The following CEL variants were observed in gnomAD, a reference collection of about 807,000 sequenced individuals.
The protein encoded by CEL is bile salt-activated lipase.
A neutral mutation model predicts 57.1 loss-of-function variants in CEL; 39 were observed. The ratio of observed to expected loss-of-function variants is 0.68; its 90% CI spans 0.53 to 0.89. CEL has a LOEUF of 0.89. Among genes scored for constraint, CEL ranks in the 40% least tolerant of loss-of-function variants. CEL has a pLI of 0.00. For synonymous variants in CEL, 314 were observed against 396.6 expected (o/e 0.79, Z 2.48); for missense variants, 698 against 915.0 (o/e 0.76, Z 3.06).
intron 4 of CEL, among the ~76,000 whole-genome samples, chr9:133,065,492 G>A (rs967856219): frequency 6.6e-6 from 1 of 152,012 alleles, no homozygotes; most frequent in African/African-American, 2.4e-5. Context: ...TCACTTGAGC[G>A]CAGAAGTTCA....
Position 133,066,737 on chromosome 9 carries a change from G to A in CEL, c.669+77G>A, listed in dbSNP as rs1830183156. 6.2e-7 allele frequency: 1 copy of A among 1,606,590 alleles called. No homozygotes were observed. Among genetic ancestry groups the A allele is most frequent in the Non-Finnish European group, 8.5e-7 (1 of 1,174,692 alleles). ...AAACGGGAAGGGGAGGGTGGGAGGA[G>A]GAGCGTGGAGCTGGGGCTGTGGTGC... On this transcript the variant is annotated intron_variant, in intron 5 of 10. Coordinates refer to ENST00000372080, the MANE Select transcript of CEL (RefSeq NM_001807.6). The surrounding 1 kb of genome is among the most constrained non-coding windows in gnomAD (Gnocchi z 4.3).
chr9:133,065,026 C>T lies in CEL; in HGVS notation c.341-14C>T. 1 of 1,611,796 alleles carries T rather than the reference C, an allele frequency of 6.2e-7. No individual in the cohort carries two copies. Among genetic ancestry groups the T allele is most frequent in the Non-Finnish European group, 8.5e-7 (1 of 1,179,706 alleles). On this transcript the variant is annotated splice_polypyrimidine_tract_variant and intron_variant, in intron 3 of 10. Transcript: ENST00000372080. ...GCGGGGCGTCTGGGGTCACCAGCCG[C>T]TCCCCCATCTCAGTCTCCCGGGACC...
Position 133,071,063 on chromosome 9 carries a change from A to T in CEL, c.1561A>T (p.Ile521Phe). Residue 521 changes from isoleucine to phenylalanine, a missense_variant, in exon 11 of 11, where the codon ATC (isoleucine) becomes TTC (phenylalanine). Transcript: ENST00000372080. ...YTTENSGYLE[I>F]TKKMGSSSMK... ...TACGGAAAACAGCGGCTACCTGGAG[A>T]TCACCAAGAAGATGGGCAGCAGCTC... The T allele has an allele frequency of 2.5e-6, 4 of 1,613,050 alleles. 1 individual carries two copies. The highest frequency in any genetic ancestry group is 3.4e-6 in the Non-Finnish European group (4 of 1,179,840).
At chr9:133,069,503 C>T (rs943304417) in intron 9 of CEL, among the ~76,000 whole-genome samples, 2 of 150,732 alleles carry the variant, frequency 1.3e-5, no homozygotes, top group African/African-American at 4.9e-5. Flanking sequence ...AGCCCTGCAC[C>T]CCATGGTCCT....
rs544040762 is a variant in CEL at position 133,065,871 on chromosome 9, A to G, written c.538+634A>G. On this transcript the variant is annotated intron_variant, in intron 4 of 10. Coordinates refer to ENST00000372080, the MANE Select transcript of CEL (RefSeq NM_001807.6). ...CAAAAAAAAAAAAAAAAAAAAAAAT[A>G]GCCAGGCGTGGTATCTCATGCCTCT... Among the ~76,000 whole-genome samples, 149 of 140,472 alleles carry G rather than the reference A, an allele frequency of 1.1e-3. 2 individuals are homozygous for G. The highest frequency in any genetic ancestry group is 3.7e-3 in the African/African-American group (140 of 37,704). The allele number at this position is 140,472 out of a possible 152,430, so 92.2% of individuals were successfully genotyped here.
chr9:133,062,635 A>G (rs1452106973), intron 1 of CEL, among the ~76,000 whole-genome samples: 1 of 146,884 alleles, frequency 6.8e-6, no homozygotes, highest in Non-Finnish European at 1.5e-5. Context: ...CTAAAAAACA[A>G]TTCACTGTTT....
Position 133,064,526 on chromosome 9 carries a change from A to T in CEL, c.189A>T (p.Glu63Asp). The change falls in exon 2 of 11, where the codon GAA (glutamate) becomes GAT (aspartate). Residue 63 changes from glutamate (E) to aspartate (D), a missense_variant. By Grantham distance (45) the Glu-to-Asp change is conservative. Around this residue, in one of 6 missense-constraint regions of CEL, gnomAD observed 327 missense variants for 374.1 expected, o/e 0.87. Transcript: ENST00000372080. ...TCGCAGCTCCCACCAAGGCCCTGGA[A>T]AATCCTCAGCCACATCCTGGCTGGC... The part of the protein sequence containing the change: ...IPFAAPTKAL[E>D]NPQPHPGWQG... The T allele has an allele frequency of 6.2e-7, 1 of 1,614,164 alleles. No homozygotes were observed. Among genetic ancestry groups the T allele is most frequent in the South Asian group, 1.1e-5 (1 of 91,090 alleles).
chr9:133,067,953 T>C (rs1327401034), intron 7 of CEL, among the ~76,000 whole-genome samples: 1 of 152,144 alleles, frequency 6.6e-6, no homozygotes, highest in Non-Finnish European at 1.5e-5. Context: ...CACAAACACC[T>C]CTGCATGTCA....
Position 133,069,583 on chromosome 9 carries a change from A to G in CEL, c.1286+324A>G, listed in dbSNP as rs140388744. On this transcript the variant is annotated intron_variant, in intron 9 of 10. Coordinates refer to ENST00000372080, the MANE Select transcript of CEL (RefSeq NM_001807.6). ...GTGCACTGAGAGAACACTGGACAAT[A>G]GTTTCTATCCACTGACTCTTATGGG... Among the ~76,000 whole-genome samples the G allele has an allele frequency of 5.4e-3, 818 of 152,082 alleles. 13 individuals are homozygous for G. The highest frequency in any genetic ancestry group is 0.019 in the African/African-American group (781 of 41,368).
chr9:133,065,362 G>A (rs1196120747), intron 4 of CEL, 125 bp downstream of exon 4: 2 of 1,128,264 alleles, frequency 1.8e-6, no homozygotes, highest in East Asian at 4.7e-5. Context: ...GGAAGCTGGA[G>A]TAGAATCATG....
Position 133,066,971 on chromosome 9 carries a change from C to CTGGGG in CEL, c.777+26_777+27insTGGGG. ...GTAAACGGAGGAGGGCAGGGCTGGG[C>CTGGGG]GGGGTGGGGGCTGTCCACATTTCCG... On this transcript the variant is annotated intron_variant, in intron 6 of 10. Transcript: ENST00000372080. The surrounding 1 kb of genome is among the most constrained non-coding windows in gnomAD (Gnocchi z 4.3). The CTGGGG allele has an allele frequency of 2.3e-5, 13 of 571,368 alleles. No individual in the cohort carries two copies. Among genetic ancestry groups the CTGGGG allele is most frequent in the Non-Finnish European group, 3.0e-5 (10 of 330,442 alleles). The allele number at this position is 571,368 out of a possible 1,614,324, so 35.4% of individuals were successfully genotyped here.
In CEL at chr9:133,071,270, G is replaced by T. The variant is rs539532953; in HGVS notation, c.1768G>T (p.Ala590Ser). Residue 590 changes from alanine (A) to serine (S), a missense_variant, in exon 11 of 11, where the codon GCC becomes TCC. Coordinates refer to ENST00000372080, the MANE Select transcript of CEL (RefSeq NM_001807.6). ...CGTGCCGCCCACGGGTGACTCCGGGGCCCCCCCCGTGCCGCCCACGGGTGA... is the reference window on the plus strand; with the variant it reads ...CGTGCCGCCCACGGGTGACTCCGGGTCCCCCCCCGTGCCGCCCACGGGTGA... ...APVPPTGDSG[A>S]PPVPPTGDSG... The T allele has an allele frequency of 1.3e-6, 2 of 1,489,590 alleles. No individual in the cohort carries two copies. Among genetic ancestry groups the T allele is most frequent in the African/African-American group, 3.1e-5 (2 of 65,096 alleles). The allele number at this position is 1,489,590 out of a possible 1,614,324, so 92.3% of individuals were successfully genotyped here.
Position 133,071,662 on chromosome 9 carries a change from C to T in CEL, c.2160C>T (p.Ser720=), listed in dbSNP as rs778336618. The change falls in exon 11 of 11, where the codon TCC becomes TCT. Residue 720 remains serine (S), a synonymous_variant. Transcript: ENST00000372080. ...CCCCCGTGCCGCCCACGGGTGACTC[C>T]GGGGCCCCCCCTGTGCCCCCCACGG... The part of the protein sequence containing the change: ...ETAPVPPTGD[S]GAPPVPPTGD... 4.4e-5 allele frequency: 70 copies of T among 1,579,826 alleles called. No individual in the cohort carries two copies. The highest frequency in any genetic ancestry group is 3.2e-4 in the South Asian group (29 of 90,270).
rs759524824 is a variant in CEL at position 133,067,189 on chromosome 9, G to T, written c.879G>T (p.Pro293=). 1 of 1,613,748 alleles carries T rather than the reference G, an allele frequency of 6.2e-7. No individual in the cohort carries two copies. Among genetic ancestry groups the T allele is most frequent in the South Asian group, 1.1e-5 (1 of 91,016 alleles). ...PRALTLAYKV[P]LAGLEYPMLH... ...CCCTGACGCTGGCCTATAAGGTGCC[G>T]CTGGCAGGCCTGGAGTGTGAGTAGC... is the stretch of plus-strand genomic sequence containing the variant. Residue 293 remains proline (P), a synonymous_variant, in exon 7 of 11, where the codon CCG becomes CCT. Transcript: ENST00000372080.
rs780310945 is a variant in CEL at position 133,066,951 on chromosome 9, C to T, written c.777+6C>T. On this transcript the variant is annotated splice_donor_region_variant and intron_variant, in intron 6 of 10. Transcript: ENST00000372080. This position sits in a 1 kb window ranked among gnomAD's most constrained non-coding sequence, Gnocchi z 4.3. Reference sequence around the variant, plus strand: ...CACTCTTCTGGGCCAAAAAGGTAAACGGAGGAGGGCAGGGCTGGGCGGGGT... The same window carrying T: ...CACTCTTCTGGGCCAAAAAGGTAAATGGAGGAGGGCAGGGCTGGGCGGGGT... 2.5e-5 allele frequency: 16 copies of T among 634,518 alleles called. No homozygotes were observed. Among genetic ancestry groups the T allele is most frequent in the Admixed American group, 6.3e-5 (3 of 47,456 alleles). The allele number at this position is 634,518 out of a possible 1,614,324, so 39.3% of individuals were successfully genotyped here. A position where few individuals can be genotyped will look rare whatever the true frequency, so the allele number is the denominator to read the frequency against.
intron 3 of CEL, 66 bp downstream of exon 3, chr9:133,064,828 C>T (rs964329857): frequency 6.6e-5 from 107 of 1,609,188 alleles, no homozygotes; most frequent in Non-Finnish European, 8.3e-5. Context: ...CTACTCCTGG[C>T]TTGAGTCTGG....
intron 7 of CEL, 54 bp downstream of exon 7, chr9:133,067,259 G>T (rs565872546): frequency 4.7e-6 from 7 of 1,498,334 alleles, no homozygotes; most frequent in East Asian, 2.3e-5. Context: ...GTTGAGGGGG[G>T]TACTGCCAGG....
chr9:133,071,561 TCCGGCGCCCCCCCCGTGCCGC>T lies in CEL; in HGVS notation c.2062_2082del (p.Gly688_Pro694del). On this transcript the variant is annotated inframe_deletion, in exon 11 of 11. Transcript: ENST00000372080. Reference sequence around the variant, plus strand: ...CCCCCCCGTGCCGCCCACGGGTGACTCCGGCGCCCCCCCCGTGCCGCCCACGGGTGACTCCGGGGCCCCCCC... The same window carrying T: ...CCCCCCCGTGCCGCCCACGGGTGACTCCACGGGTGACTCCGGGGCCCCCCC... 1.5e-6 allele frequency: 1 copy of T among 675,656 alleles called. No homozygotes were observed. The allele number at this position is 675,656 out of a possible 1,614,324, so 41.9% of individuals were successfully genotyped here.
In CEL at chr9:133,066,041, A is replaced by G. The variant is rs527274290; in HGVS notation, c.539-489A>G. Among the ~76,000 whole-genome samples the G allele has an allele frequency of 6.6e-6, 1 of 152,242 alleles. No homozygotes were observed. Among genetic ancestry groups the G allele is most frequent in the South Asian group, 2.1e-4 (1 of 4,822 alleles). On this transcript the variant is annotated intron_variant, in intron 4 of 10. Transcript: ENST00000372080. The surrounding 1 kb of genome is among the most constrained non-coding windows in gnomAD (Gnocchi z 4.3). The stretch of plus-strand genomic sequence containing the variant: ...TCAAAAATAAGAGGCTGTGGGACAG[A>G]CAGACAGGCAGACAGGCTGAGGCTC...
Sources: allele counts gnomAD v4.1 joint callset (sites outside exome capture counted in the v4.1 genomes callset), GRCh38; gene constraint gnomAD v4.1.1; regional missense constraint gnomAD v4.1.1; non-coding constraint Gnocchi (gnomAD v3.1); transcripts MANE v1.5; gene names NCBI Gene and HGNC (gene_info 2026-07-23, HGNC 2026-07-21).